The following GPR158 variants were observed in gnomAD, a reference collection of about 807,000 sequenced individuals.
GPR158 encodes the protein G protein-coupled receptor 158.
In GPR158, 30 loss-of-function variants were observed where a neutral mutation model predicts 78.2. The observed-to-expected ratio is 0.38, with a 90% CI of 0.29 to 0.52. The LOEUF is 0.52. Ranked by LOEUF, GPR158 falls within the 20% of genes least tolerant of loss-of-function variation. The pLI is 0.83. For synonymous variants in GPR158, 581 were observed against 591.1 expected, an observed-to-expected ratio of 0.98 and a Z score of 0.25; for missense variants, 1,463 against 1,523.5, an observed-to-expected ratio of 0.96 and a Z score of 0.66.
chr10:25,517,833 C>CT (rs1352702578), intron 5 of GPR158, among the ~76,000 whole-genome samples: 3 of 148,988 alleles, frequency 2.0e-5, no homozygotes, highest in Non-Finnish European at 4.5e-5. Context: ...CTAAAATTCT[C>CT]TTTTTTGGTT....
rs566041906 is a variant in GPR158 at position 25,203,687 on chromosome 10, G to A, written c.903-17365G>A. The stretch of plus-strand genomic sequence containing the variant: ...GTAGTATAGTTTGAAGTCAGGTAGT[G>A]TGATGCCTCCAGCTTTGTTCTTTTG... On this transcript the variant is annotated intron_variant, in intron 1 of 10. Transcript: ENST00000376351. Among the ~76,000 whole-genome samples the A allele has an allele frequency of 4.1e-5, 6 of 145,296 alleles. 2 individuals carry two copies. The highest frequency in any genetic ancestry group is 1.3e-4 in the African/African-American group (5 of 38,240).
intron 5 of GPR158, among the ~76,000 whole-genome samples, chr10:25,477,837 C>G (rs1030041069): frequency 2.0e-5 from 3 of 152,110 alleles, no homozygotes; most frequent in African/African-American, 7.2e-5. Flanking sequence ...GAAATACTGG[C>G]TCATATAGAG....
chr10:25,481,962 A>T (rs1365728980), intron 5 of GPR158, among the ~76,000 whole-genome samples: 3 of 152,194 alleles, frequency 2.0e-5, no homozygotes, highest in Non-Finnish European at 2.9e-5. Flanking sequence ...CTACGCCATC[A>T]TTTTGAAATC....
chr10:25,424,005 A>T (rs1250088009), intron 4 of GPR158, among the ~76,000 whole-genome samples: 1 of 152,198 alleles, frequency 6.6e-6, no homozygotes, highest in African/African-American at 2.4e-5. Flanking sequence ...CCAACAGTGT[A>T]AAAGCGTTCC....
At chr10:25,463,416 T>C (rs1395360515) in intron 4 of GPR158, among the ~76,000 whole-genome samples, 1 of 151,834 alleles carries the variant, frequency 6.6e-6, no homozygotes, top group African/African-American at 2.4e-5. Flanking sequence ...GATGGATGGA[T>C]GGATGGATGG....
At chr10:25,290,070 T>TA (rs1418521530) in intron 2 of GPR158, among the ~76,000 whole-genome samples, 17 of 152,178 alleles carry the variant, frequency 1.1e-4, no homozygotes, top group Non-Finnish European at 1.5e-5. Context: ...AAACACAAAG[T>TA]AACATTGCTT....
intron 4 of GPR158, among the ~76,000 whole-genome samples, chr10:25,464,555 T>A (rs562120099): frequency 1.8e-4 from 27 of 152,310 alleles, no homozygotes; most frequent in Non-Finnish European, 3.4e-4. Flanking sequence ...TCTGTCAGAT[T>A]TAATAAGGTA....
chr10:25,475,775 TCTA>T (rs1835575412), intron 5 of GPR158: 1 of 152,124 alleles, frequency 6.6e-6, no homozygotes, highest in African/African-American at 2.4e-5. Flanking sequence ...TCATGAAAGT[TCTA>T]CTGGGAGGTT....
chr10:25,482,241 T>A (rs1454488208), intron 5 of GPR158, among the ~76,000 whole-genome samples: 1 of 152,100 alleles, frequency 6.6e-6, no homozygotes, highest in Non-Finnish European at 1.5e-5. Flanking sequence ...TGGAGGGCAG[T>A]GGCATGATCA....
At chr10:25,214,952 C>A (rs996756738) in intron 1 of GPR158, among the ~76,000 whole-genome samples, 1 of 152,114 alleles carries the variant, frequency 6.6e-6, no homozygotes, top group African/African-American at 2.4e-5. Flanking sequence ...GCAGCCTTAA[C>A]AAACTAATAC....
intron 2 of GPR158, among the ~76,000 whole-genome samples, chr10:25,382,444 G>A (rs765107147): frequency 2.0e-5 from 3 of 152,006 alleles, no homozygotes; most frequent in African/African-American, 4.8e-5. Context: ...TAATTTTAAC[G>A]ATGTCATAAA....
chr10:25,545,809 C>A (rs567248344), intron 5 of GPR158, among the ~76,000 whole-genome samples: 1 of 152,262 alleles, frequency 6.6e-6, no homozygotes, highest in Admixed American at 6.5e-5. Flanking sequence ...ATCCCTTCCA[C>A]ATCATGTACT....
chr10:25,434,963 C>T (rs1381651110), intron 4 of GPR158, among the ~76,000 whole-genome samples: 2 of 152,156 alleles, frequency 1.3e-5, no homozygotes, highest in Admixed American at 6.5e-5. Context: ...AGAGAGCACA[C>T]ATACATTCTG....
intron 2 of GPR158, among the ~76,000 whole-genome samples, chr10:25,389,408 T>C (rs1428601233): frequency 6.6e-6 from 1 of 152,084 alleles, no homozygotes; most frequent in Admixed American, 6.5e-5. Flanking sequence ...TCGACAGTCA[T>C]CAGGATGACC....
chr10:25,516,944 C>T (rs1027967627), intron 5 of GPR158, among the ~76,000 whole-genome samples: 3 of 147,490 alleles, frequency 2.0e-5, no homozygotes, highest in African/African-American at 7.9e-5. Context: ...GGCATTGAAT[C>T]TGCAAATTAC....
intron 5 of GPR158, among the ~76,000 whole-genome samples, chr10:25,467,903 TCCCCA>T (rs1432585970): frequency 1.3e-5 from 2 of 152,062 alleles, no homozygotes; most frequent in Non-Finnish European, 2.9e-5. Flanking sequence ...CTGCCTCAAG[TCCCCA>T]CCCAGTTCCC....
chr10:25,393,960 A>T (rs1834335885), intron 2 of GPR158: 1 of 152,178 alleles, frequency 6.6e-6, no homozygotes, highest in African/African-American at 2.4e-5. Flanking sequence ...CAGCCCAGAC[A>T]TCTCTTCTAA....
chr10:25,202,940 T>A (rs535323016), intron 1 of GPR158, among the ~76,000 whole-genome samples: 1 of 152,178 alleles, frequency 6.6e-6, no homozygotes, highest in Non-Finnish European at 1.5e-5. Flanking sequence ...TTTTAATGAT[T>A]GCCATTCTAA....
intron 5 of GPR158, among the ~76,000 whole-genome samples, chr10:25,471,784 C>T (rs911490323): frequency 6.6e-6 from 1 of 152,126 alleles, no homozygotes; most frequent in African/African-American, 2.4e-5. Flanking sequence ...CTGTTCATAT[C>T]CTTCGCCCAC....
Sources: allele counts gnomAD v4.1 joint callset (sites outside exome capture counted in the v4.1 genomes callset), GRCh38; gene constraint gnomAD v4.1.1; transcripts MANE v1.5; gene names NCBI Gene and HGNC (gene_info 2026-07-23, HGNC 2026-07-21).